Variants in STT3A observed in about 807,000 individuals in gnomAD.
STT3A encodes STT3 oligosaccharyltransferase complex catalytic subunit A.
STT3A carries 34 observed loss-of-function variants against 89.2 expected under a neutral mutation model. The observed-to-expected ratio is 0.38, with a 90% confidence interval of 0.29 to 0.51. The LOEUF is 0.51. Ranked by LOEUF, STT3A falls within the 20% of genes least tolerant of loss-of-function variation. The pLI is 0.89. For missense variants in STT3A, 555 were observed against 889.5 expected, an observed-to-expected ratio of 0.62 and a Z score of 4.78; for synonymous variants, 282 against 310.3, an observed-to-expected ratio of 0.91 and a Z score of 0.96.
chr11:125,612,533 C>A, intron 11 of STT3A, 59 bp from the exon 12 acceptor site: 1 of 1,549,154 alleles, frequency 6.5e-7, no homozygotes, highest in South Asian at 1.2e-5. Context: ...TACTAATAGG[C>A]TGAAATCTGT....
rs1312048910 is a variant in STT3A, at chr11:125,605,645, C to T, written c.525C>T (p.Cys175=). 1 of 1,613,760 alleles carries T rather than the reference C, an allele frequency of 6.2e-7. No homozygotes were observed. Among genetic ancestry groups the T allele is most frequent in the African/African-American group, 1.3e-5 (1 of 75,034 alleles). Residue 175 remains cysteine, a synonymous_variant, in exon 7 of 18, where the codon TGC becomes TGT. Transcript: ENST00000392708. The stretch of plus-strand genomic sequence containing the variant: ...TTTCTGCAGGGATTGCCATCTTTTG[C>T]ATGCTACTCACCTACTACATGTGGA... ...SYDNEGIAIF[C]MLLTYYMWIK...
In STT3A at chr11:125,608,305, A is replaced by G; in HGVS notation, c.961+16A>G. 1 of 1,570,632 alleles carries G rather than the reference A, an allele frequency of 6.4e-7. No homozygotes were observed. Among genetic ancestry groups the G allele is most frequent in the Non-Finnish European group, 8.6e-7 (1 of 1,164,848 alleles). On this transcript the variant is annotated intron_variant, in intron 9 of 17. Coordinates refer to ENST00000392708, the MANE Select transcript of STT3A (RefSeq NM_152713.5). ...ATGCTGACAGGTAGGGAAGGCTCAC[A>G]GCTTTTTTCCTTTTTTCTTTTTTTT...
intron 17 of STT3A, among the ~76,000 whole-genome samples, chr11:125,620,406 G>T (rs932585991): frequency 6.6e-6 from 1 of 152,198 alleles, no homozygotes; most frequent in African/African-American, 2.4e-5. Flanking sequence ...CACGGGTGGG[G>T]AGAGTGCAGG....
intron 16 of STT3A, among the ~76,000 whole-genome samples, chr11:125,619,260 A>G (rs1940274897): frequency 6.8e-6 from 1 of 147,658 alleles, no homozygotes; most frequent in Non-Finnish European, 1.5e-5. Context: ...TTGTTTCACT[A>G]TGTTGGCCAG....
intron 1 of STT3A, among the ~76,000 whole-genome samples, chr11:125,595,568 C>T (rs1020601083): frequency 5.9e-5 from 9 of 151,652 alleles, no homozygotes; most frequent in Non-Finnish European, 1.3e-4. Context: ...TTTATTTTTT[C>T]ATCTCTTCCT....
At chr11:125,597,549 G>T (rs1402816488) in intron 3 of STT3A, among the ~76,000 whole-genome samples, 1 of 152,174 alleles carries the variant, frequency 6.6e-6, no homozygotes, top group Non-Finnish European at 1.5e-5. Flanking sequence ...AATTCTGGCT[G>T]CCCAGTTTGG....
Position 125,612,578 on chromosome 11 carries a change from C to A in STT3A, c.1210-14C>A. 1.2e-6 allele frequency: 2 copies of A among 1,611,500 alleles called. No homozygotes were observed. The highest frequency in any genetic ancestry group is 1.7e-6 in the Non-Finnish European group (2 of 1,178,832). On this transcript the variant is annotated splice_polypyrimidine_tract_variant and intron_variant, in intron 11 of 17. Transcript: ENST00000392708. ...AACACTGATTAGACTGATCATGCTT[C>A]CTGTCTCTGTTAGGTGCGTCTAATG... is the stretch of plus-strand genomic sequence containing the variant.
chr11:125,611,369 A>G (rs1368639026), intron 10 of STT3A, 59 bp from the exon 11 acceptor site: 1 of 1,318,372 alleles, frequency 7.6e-7, no homozygotes, highest in Non-Finnish European at 1.1e-6. Flanking sequence ...AAGATACTTT[A>G]CCTTGTAGGT....
chr11:125,602,234 T>G, intron 3 of STT3A, 69 bp from the exon 4 acceptor site: 1 of 1,534,866 alleles, frequency 6.5e-7, no homozygotes, highest in Non-Finnish European at 8.8e-7. Flanking sequence ...AATGCTGAAT[T>G]TCTCAATGGT....
At position 125,614,429 on chromosome 11, in the gene STT3A, A is replaced by G; in HGVS notation, c.1774+3A>G. The stretch of plus-strand genomic sequence containing the variant: ...CCTCACTGGGTATTCCTCTGATGGT[A>G]ATATACTTGATTCTGTTTCTAGCTG... On this transcript the variant is annotated splice_donor_region_variant and intron_variant, in intron 15 of 17. Coordinates refer to ENST00000392708, the MANE Select transcript of STT3A (RefSeq NM_152713.5). This position sits in a 1 kb window ranked among gnomAD's most constrained non-coding sequence, Gnocchi z 4.9. 1 of 1,612,560 alleles carries G rather than the reference A, an allele frequency of 6.2e-7. No homozygotes were observed. The highest frequency in any genetic ancestry group is 8.5e-7 in the Non-Finnish European group (1 of 1,178,676).
Position 125,611,283 on chromosome 11 carries a change from T to C in STT3A, c.1118-145T>C, listed in dbSNP as rs562626521. The C allele has an allele frequency of 4.6e-6, 3 of 646,516 alleles. No homozygotes were observed. In the South Asian group the frequency reaches 6.0e-5, roughly 13 times the overall value. The allele number at this position is 646,516 out of a possible 1,614,324, so 40.0% of individuals were successfully genotyped here. On this transcript the variant is annotated intron_variant, in intron 10 of 17. Transcript: ENST00000392708. ...TAGTAAACATCTTTGCATGTTTCTATGATTGTTTTTTTAGGATAAATTCCT... is the reference window on the plus strand; with the variant it reads ...TAGTAAACATCTTTGCATGTTTCTACGATTGTTTTTTTAGGATAAATTCCT...
Position 125,606,329 on chromosome 11 carries a change from T to C in STT3A, c.644T>C (p.Leu215Pro). The change falls in exon 8 of 18, where the codon CTG (leucine) becomes CCG (proline). Residue 215 changes from leucine to proline, a missense_variant. Coordinates refer to ENST00000392708, the MANE Select transcript of STT3A (RefSeq NM_152713.5). ...MVSSWGGYVF[L>P]INLIPLHVLV... ...TCGTCATGGGGAGGTTATGTGTTCC[T>C]GATCAACTTAATTCCTCTCCACGTC... 6.2e-7 allele frequency: 1 copy of C among 1,614,012 alleles called. No individual in the cohort carries two copies. The highest frequency in any genetic ancestry group is 8.5e-7 in the Non-Finnish European group (1 of 1,180,006).
At chr11:125,602,230 GA>G in intron 3 of STT3A, 72 bp from the exon 4 acceptor site, 1 of 1,528,292 alleles carries the variant, frequency 6.5e-7, no homozygotes, top group Non-Finnish European at 8.8e-7. Context: ...GAGTAATGCT[GA>G]ATTTCTCAAT....
intron 3 of STT3A, among the ~76,000 whole-genome samples, 185 bp downstream of exon 3, chr11:125,597,304 G>T (rs1341667161): frequency 6.6e-6 from 1 of 151,660 alleles, no homozygotes; most frequent in Non-Finnish European, 1.5e-5. Flanking sequence ...ATGTGTTGGA[G>T]TCCAGCACAG....
Position 125,613,783 on chromosome 11 carries a change from G to A in STT3A, c.1555-304G>A. 1 of 259,316 alleles carries A rather than the reference G, an allele frequency of 3.9e-6. No homozygotes were observed. Among genetic ancestry groups the A allele is most frequent in the Non-Finnish European group, 7.4e-6 (1 of 135,604 alleles). 16.1% of individuals were successfully genotyped at this position (259,316 alleles called of 1,614,324 possible). A position where few individuals can be genotyped will look rare whatever the true frequency, so the allele number is the denominator to read the frequency against. ...TTAAGAAAATTGTCTAATGACACTA[G>A]GCTATTGATGTGGCTACATTGCACA... On this transcript the variant is annotated intron_variant, in intron 13 of 17. Coordinates refer to ENST00000392708, the MANE Select transcript of STT3A (RefSeq NM_152713.5). The surrounding 1 kb of genome is among the most constrained non-coding windows in gnomAD (Gnocchi z 4.2).
chr11:125,609,144 G>T (rs1054430159), intron 9 of STT3A, among the ~76,000 whole-genome samples: 3 of 152,128 alleles, frequency 2.0e-5, no homozygotes, highest in African/African-American at 4.8e-5. Flanking sequence ...AGTTGGCCTT[G>T]GTTTGACCAA....
intron 3 of STT3A, among the ~76,000 whole-genome samples, chr11:125,599,569 C>G (rs1172742095): frequency 6.6e-6 from 1 of 151,922 alleles, no homozygotes; most frequent in African/African-American, 2.4e-5. Flanking sequence ...CGCCACCATG[C>G]CTGGCTAATT....
At chr11:125,603,662 C>G (rs942220958) in intron 5 of STT3A, among the ~76,000 whole-genome samples, 16 of 152,148 alleles carry the variant, frequency 1.1e-4, no homozygotes, top group Non-Finnish European at 2.2e-4. Context: ...CAAAGGGTGC[C>G]TGGTGATATT....
chr11:125,614,003 CA>C lies in STT3A; in HGVS notation c.1555-83del. ...TTAGTTAGCCAGGTGTCACTTCTGTCAGACCAAAGATGCCTTCTCTGTTGCA... is the reference window on the plus strand; with the variant it reads ...TTAGTTAGCCAGGTGTCACTTCTGTCGACCAAAGATGCCTTCTCTGTTGCA... On this transcript the variant is annotated intron_variant, in intron 13 of 17. Coordinates refer to ENST00000392708, the MANE Select transcript of STT3A (RefSeq NM_152713.5). This position sits in a 1 kb window ranked among gnomAD's most constrained non-coding sequence, Gnocchi z 4.9. 8.1e-7 allele frequency: 1 copy of C among 1,231,128 alleles called. No individual in the cohort carries two copies. The highest frequency in any genetic ancestry group is 1.8e-5 in the Admixed American group (1 of 54,756). The allele number at this position is 1,231,128 out of a possible 1,614,324, so 76.3% of individuals were successfully genotyped here.
Sources: gnomAD v4.1 joint callset for allele counts (sites outside exome capture counted in the v4.1 genomes callset) on GRCh38, gnomAD v4.1.1 for gene constraint, Gnocchi (gnomAD v3.1) non-coding constraint, MANE v1.5 for transcripts, NCBI Gene and HGNC (gene_info 2026-07-23, HGNC 2026-07-21) for gene names.